Variants in MCC observed in about 807,000 individuals in gnomAD.
MCC encodes MCC regulator of Wnt signaling pathway.
In MCC, 90 loss-of-function variants were observed where a neutral mutation model predicts 116.2. The ratio of observed to expected loss-of-function variants is 0.77; its 90% CI spans 0.65 to 0.92. The LOEUF (loss-of-function observed/expected upper bound fraction) is 0.92. Ranked by LOEUF, MCC falls within the 40% of genes least tolerant of loss-of-function variation. The pLI, the probability that MCC is intolerant of heterozygous loss-of-function variation, is 0.00. For missense variants in MCC, 1,516 were observed against 1,312.2 expected (o/e 1.16, Z -2.40); for synonymous variants, 578 against 510.5 (o/e 1.13, Z -1.78).
chr5:113,392,245 AT>A (rs1192449825), intron 1 of MCC, among the ~76,000 whole-genome samples: 4 of 152,166 alleles, frequency 2.6e-5, no homozygotes, highest in Non-Finnish European at 5.9e-5. Context: ...GTCTTTAAAA[AT>A]AAAGAAAAAG....
chr5:113,050,207 T>A (rs556700958), intron 15 of MCC, among the ~76,000 whole-genome samples: 53 of 152,324 alleles, frequency 3.5e-4, no homozygotes, highest in Non-Finnish European at 3.2e-4. Flanking sequence ...GAGCCACAGA[T>A]TGCAGCCAAG....
intron 3 of MCC, among the ~76,000 whole-genome samples, chr5:113,241,210 A>C (rs1764351347): frequency 6.6e-6 from 1 of 152,248 alleles, no homozygotes; most frequent in South Asian, 2.1e-4. Flanking sequence ...GGTTAAATGT[A>C]GCAGATTGAC....
chr5:113,334,726 G>T (rs1767829679), intron 3 of MCC, among the ~76,000 whole-genome samples: 1 of 150,780 alleles, frequency 6.6e-6, no homozygotes, highest in Non-Finnish European at 1.5e-5. Context: ...GAGTAGCTGG[G>T]ATTACAGGCA....
At chr5:113,196,099 AGT>A (rs2150316077) in intron 3 of MCC, among the ~76,000 whole-genome samples, 1 of 152,328 alleles carries the variant, frequency 6.6e-6, no homozygotes, top group Admixed American at 6.5e-5. Flanking sequence ...GTTGGCACAT[AGT>A]GTCTTTCACT....
At chr5:113,234,372 G>A (rs1764055382) in intron 3 of MCC, 1 of 152,050 alleles carries the variant, frequency 6.6e-6, no homozygotes. Flanking sequence ...CAAGGGTCAT[G>A]ATCCTAGCAA....
intron 6 of MCC, among the ~76,000 whole-genome samples, chr5:113,105,530 T>G (rs538862623): frequency 4.3e-4 from 66 of 152,216 alleles, no homozygotes; most frequent in African/African-American, 1.6e-3. Context: ...CTCCCCGATC[T>G]CTCCCATCTC....
At chr5:113,030,183 C>A (rs1217348891) in intron 17 of MCC, among the ~76,000 whole-genome samples, 1 of 152,102 alleles carries the variant, frequency 6.6e-6, no homozygotes. Flanking sequence ...AATGAACATG[C>A]CCCTTGACTA....
intron 3 of MCC, among the ~76,000 whole-genome samples, chr5:113,166,111 GT>G (rs1760754469): frequency 6.6e-6 from 1 of 152,146 alleles, no homozygotes; most frequent in Admixed American, 6.5e-5. Context: ...CCATCTCCTT[GT>G]AGACATAGCA....
At chr5:113,364,722 C>T (rs1351150171) in intron 2 of MCC, among the ~76,000 whole-genome samples, 1 of 152,226 alleles carries the variant, frequency 6.6e-6, no homozygotes. Flanking sequence ...CCTTTGAAAT[C>T]TAGGTGGAGG....
At chr5:113,222,051 A>G (rs1001339717) in intron 3 of MCC, among the ~76,000 whole-genome samples, 4 of 152,190 alleles carry the variant, frequency 2.6e-5, no homozygotes, top group Non-Finnish European at 5.9e-5. Flanking sequence ...AGGTTTTTTC[A>G]TAGCTTTCTG....
intron 2 of MCC, among the ~76,000 whole-genome samples, chr5:113,359,260 C>T (rs180706058): frequency 1.9e-4 from 29 of 152,286 alleles, no homozygotes; most frequent in Admixed American, 9.1e-4. Flanking sequence ...CTCCCCTTCC[C>T]CCACCCCAAG....
intron 3 of MCC, chr5:113,295,034 C>G: frequency 2.4e-6 from 2 of 849,484 alleles, no homozygotes; most frequent in Non-Finnish European, 2.8e-6. Flanking sequence ...GGCGAGTAGC[C>G]TGGAGGCCGA....
Position 113,049,075 on chromosome 5 carries a change from A to G in MCC, c.2655+18T>C, listed in dbSNP as rs1282780121. On this transcript the variant is annotated intron_variant, in intron 16 of 18. Transcript: ENST00000408903. The stretch of plus-strand genomic sequence containing the variant: ...AGTCACTGAGCCTAAGGGTGTCCCC[A>G]AGCCACTCCGGCCCTACCTTGCCAG... The G allele has an allele frequency of 6.2e-7, 1 of 1,613,602 alleles. No individual in the cohort carries two copies. Among genetic ancestry groups the G allele is most frequent in the African/African-American group, 1.3e-5 (1 of 74,896 alleles).
chr5:113,125,492 G>C (rs1757993743), intron 5 of MCC, among the ~76,000 whole-genome samples: 1 of 152,132 alleles, frequency 6.6e-6, no homozygotes, highest in African/African-American at 2.4e-5. Flanking sequence ...GTCTCCCACT[G>C]ACTTTGGTAA....
chr5:113,057,111 C>G (rs1752885225), intron 14 of MCC, among the ~76,000 whole-genome samples: 1 of 152,014 alleles, frequency 6.6e-6, no homozygotes. Context: ...GTGCGGCCAG[C>G]AGAACGAGAT....
intron 8 of MCC, among the ~76,000 whole-genome samples, chr5:113,086,750 G>T (rs540710888): frequency 5.2e-4 from 78 of 149,886 alleles, no homozygotes; most frequent in African/African-American, 1.9e-3. Context: ...AACACCCAGC[G>T]GTCCTTACAA....
intron 3 of MCC, among the ~76,000 whole-genome samples, chr5:113,330,841 A>C (rs1400342234): frequency 6.6e-6 from 1 of 152,218 alleles, no homozygotes; most frequent in Non-Finnish European, 1.5e-5. Flanking sequence ...CTGTTGAACT[A>C]TCCAATAGAA....
At chr5:113,087,317 G>A (rs563125082) in intron 8 of MCC, among the ~76,000 whole-genome samples, 5 of 152,122 alleles carry the variant, frequency 3.3e-5, no homozygotes, top group East Asian at 1.9e-4. Context: ...GCTCTGCCAC[G>A]GTTCCAGTAA....
At chr5:113,306,118 A>T (rs1359882882) in intron 3 of MCC, among the ~76,000 whole-genome samples, 2 of 152,210 alleles carry the variant, frequency 1.3e-5, no homozygotes, top group Non-Finnish European at 2.9e-5. Flanking sequence ...ATATTCCATT[A>T]TATGGGTTTA....
Sources: gnomAD v4.1 joint callset for allele counts (sites outside exome capture counted in the v4.1 genomes callset) on GRCh38, gnomAD v4.1.1 for gene constraint, MANE v1.5 for transcripts, NCBI Gene and HGNC (gene_info 2026-07-23, HGNC 2026-07-21) for gene names.